TSHZ2: variants seen among roughly 807,000 people sequenced by gnomAD.
TSHZ2 encodes teashirt zinc finger homeobox 2, also known as teashirt homolog 2.
In TSHZ2, 21 loss-of-function variants were observed where a neutral mutation model predicts 74.4. The observed-to-expected ratio is 0.28, with a 90% CI of 0.20 to 0.41. The LOEUF (loss-of-function observed/expected upper bound fraction) is 0.41, where lower values mean the gene tolerates loss of function less well. Among genes scored for constraint, TSHZ2 ranks in the 10% least tolerant of loss-of-function variants. The pLI is 1.00. For missense variants in TSHZ2, 1,244 were observed against 1,293.5 expected (o/e 0.96, Z 0.59); for synonymous variants, 540 against 515.3 (o/e 1.05, Z -0.65).
intron 2 of TSHZ2, among the ~76,000 whole-genome samples, chr20:53,329,599 A>G (rs1229777311): frequency 7.4e-6 from 1 of 135,254 alleles, no homozygotes; most frequent in Non-Finnish European, 1.5e-5. Flanking sequence ...CACATGTGGG[A>G]TTTGGTCATA....
intron 1 of TSHZ2, among the ~76,000 whole-genome samples, chr20:53,129,050 A>G (rs1987028191): frequency 6.6e-6 from 1 of 152,170 alleles, no homozygotes; most frequent in African/African-American, 2.4e-5. Flanking sequence ...ATATCTAGCA[A>G]TCTAGTAGGA....
intron 1 of TSHZ2, among the ~76,000 whole-genome samples, chr20:52,992,623 TCCAGGTA>T (rs1208786969): frequency 3.3e-5 from 5 of 152,150 alleles, no homozygotes; most frequent in African/African-American, 4.8e-5. Context: ...ATCTTCATAA[TCCAGGTA>T]CAGGAATTTC....
At position 53,094,611 on chromosome 20, in the gene TSHZ2, T is replaced by C. The variant is rs532079687; in HGVS notation, c.40+121278T>C. Among the ~76,000 whole-genome samples, 4 of 152,330 alleles carry C rather than the reference T, an allele frequency of 2.6e-5. No individual in the cohort carries two copies. In the South Asian group the frequency reaches 6.2e-4, roughly 24 times the overall value. On this transcript the variant is annotated intron_variant, in intron 1 of 2. Coordinates refer to ENST00000371497, the MANE Select transcript of TSHZ2 (RefSeq NM_173485.6). ...GCCTTTCTCCCCACGGTGCAGTACA[T>C]CTGCCTGGCGTACTCTTGCTAACCT...
intron 1 of TSHZ2, among the ~76,000 whole-genome samples, chr20:53,053,963 C>G (rs1037743076): frequency 9.9e-5 from 15 of 152,192 alleles, no homozygotes; most frequent in African/African-American, 3.1e-4. Context: ...TATCACAGTT[C>G]TTGACCACGT....
At chr20:53,337,333 GT>G (rs1979993081) in intron 2 of TSHZ2, among the ~76,000 whole-genome samples, 1 of 152,214 alleles carries the variant, frequency 6.6e-6, no homozygotes, top group Non-Finnish European at 1.5e-5. Context: ...CTGTGGGACT[GT>G]TGCCTTGCCA....
chr20:53,490,671 G>A lies in TSHZ2; in HGVS notation c.*3536G>A, dbSNP rs1986422010. Reference sequence around the variant, plus strand: ...GTGCCTGCTTGGTTGTTTGAATCTTGCATAATTAATGTCACAGGCGCAAGC... The same window carrying A: ...GTGCCTGCTTGGTTGTTTGAATCTTACATAATTAATGTCACAGGCGCAAGC... On this transcript the variant is annotated 3_prime_UTR_variant, in exon 3 of 3. Transcript: ENST00000371497. 1 of 152,192 alleles carries A rather than the reference G, an allele frequency of 6.6e-6. No individual in the cohort carries two copies. The highest frequency in any genetic ancestry group is 1.5e-5 in the Non-Finnish European group (1 of 68,042). 9.4% of individuals were successfully genotyped at this position (152,192 alleles called of 1,614,324 possible). A position where few individuals can be genotyped will look rare whatever the true frequency, so the allele number is the denominator to read the frequency against.
chr20:53,158,235 C>G (rs888249044), intron 1 of TSHZ2, among the ~76,000 whole-genome samples: 1 of 152,130 alleles, frequency 6.6e-6, no homozygotes, highest in African/African-American at 2.4e-5. Context: ...AAGAGGCCAC[C>G]AGGGGGCAGA....
intron 2 of TSHZ2, among the ~76,000 whole-genome samples, chr20:53,481,337 C>G (rs1409799558): frequency 6.6e-6 from 1 of 152,018 alleles, no homozygotes; most frequent in African/African-American, 2.4e-5. Flanking sequence ...TTTGGGAGGT[C>G]AAGGCAATAG....
intron 1 of TSHZ2, among the ~76,000 whole-genome samples, chr20:53,225,613 G>A (rs1483495752): frequency 6.6e-6 from 1 of 152,132 alleles, no homozygotes; most frequent in African/African-American, 2.4e-5. Context: ...TCAAATCTTC[G>A]CAACTCCGCT....
chr20:53,159,112 G>C (rs540082329), intron 1 of TSHZ2, among the ~76,000 whole-genome samples: 15 of 152,306 alleles, frequency 9.8e-5, no homozygotes, highest in African/African-American at 3.1e-4. Flanking sequence ...TCACAACCAT[G>C]CTTTGTTATG....
At chr20:52,982,324 G>A (rs1414775835) in intron 1 of TSHZ2, among the ~76,000 whole-genome samples, 3 of 152,110 alleles carry the variant, frequency 2.0e-5, no homozygotes, top group Non-Finnish European at 2.9e-5. Flanking sequence ...TAGTCATAGC[G>A]AGTTGCCAGG....
chr20:53,483,724 C>T (rs1388810611), intron 2 of TSHZ2, among the ~76,000 whole-genome samples: 1 of 152,144 alleles, frequency 6.6e-6, no homozygotes. Flanking sequence ...TGCAGGACTT[C>T]TCAGAGTCTT....
At chr20:53,286,238 A>ATTAT (rs1991163567) in intron 2 of TSHZ2, among the ~76,000 whole-genome samples, 1 of 152,352 alleles carries the variant, frequency 6.6e-6, no homozygotes, top group African/African-American at 2.4e-5. Context: ...AATGATTAGA[A>ATTAT]TTATTGTTGC....
chr20:53,310,489 C>T (rs993866721), intron 2 of TSHZ2, among the ~76,000 whole-genome samples: 1 of 152,226 alleles, frequency 6.6e-6, no homozygotes, highest in Non-Finnish European at 1.5e-5. Context: ...GTCCAGGCAC[C>T]AGTTAGGTGA....
chr20:52,989,194 A>C (rs968727925), intron 1 of TSHZ2, among the ~76,000 whole-genome samples: 1 of 148,980 alleles, frequency 6.7e-6, no homozygotes, highest in Admixed American at 6.7e-5. Flanking sequence ...AATTGTTTTT[A>C]GTTATTATTG....
intron 2 of TSHZ2, among the ~76,000 whole-genome samples, chr20:53,393,181 G>A (rs1305804387): frequency 1.3e-5 from 2 of 152,070 alleles, no homozygotes; most frequent in South Asian, 2.1e-4. Flanking sequence ...CCTCAAATAT[G>A]CTTCGATGTC....
At chr20:53,464,697 G>T (rs1180834570) in intron 2 of TSHZ2, among the ~76,000 whole-genome samples, 1 of 152,126 alleles carries the variant, frequency 6.6e-6, no homozygotes, top group African/African-American at 2.4e-5. Flanking sequence ...TCAAACTCCT[G>T]GGCTCAAGAG....
At chr20:53,106,686 C>CCGTGCCTGGCCCTTCT (rs1986381967) in intron 1 of TSHZ2, among the ~76,000 whole-genome samples, 1 of 148,726 alleles carries the variant, frequency 6.7e-6, no homozygotes. Context: ...GCGTGAGCCA[C>CCGTGCCTGGCCCTTCT]CACGCAGGGC....
chr20:53,020,550 TAA>T (rs891520521), intron 1 of TSHZ2, among the ~76,000 whole-genome samples: 5 of 152,166 alleles, frequency 3.3e-5, no homozygotes, highest in African/African-American at 1.2e-4. Flanking sequence ...TTTGGCCCCA[TAA>T]AGAGGTCTTG....
Sources: allele counts gnomAD v4.1 joint callset (sites outside exome capture counted in the v4.1 genomes callset), GRCh38; gene constraint gnomAD v4.1.1; transcripts MANE v1.5; gene names NCBI Gene and HGNC (gene_info 2026-07-23, HGNC 2026-07-21).